The following PPARGC1A variants were observed in gnomAD, a reference collection of about 807,000 sequenced individuals.
PPARGC1A encodes peroxisome proliferator-activated receptor gamma coactivator 1-alpha.
In PPARGC1A, 25 loss-of-function variants were observed where a neutral mutation model predicts 88.7. The ratio of observed to expected loss-of-function variants is 0.28; its 90% CI spans 0.21 to 0.39. The LOEUF is 0.39. Among genes scored for constraint, PPARGC1A ranks in the 10% least tolerant of loss-of-function variants. The probability of loss-of-function intolerance (pLI) is 1.00; values close to 1 mark genes in which losing one functional copy is unlikely to be tolerated. For missense variants in PPARGC1A, 880 were observed against 968.7 expected (o/e 0.91, Z 1.22); for synonymous variants, 363 against 355.6 (o/e 1.02, Z -0.24).
the PPARGC1A span, among the ~76,000 whole-genome samples, chr4:24,172,425 T>A: frequency 6.6e-6 from 1 of 152,234 alleles, no homozygotes; most frequent in African/African-American, 2.4e-5. Flanking sequence ...AACACACAGA[T>A]GCATCAGACA....
the PPARGC1A span, among the ~76,000 whole-genome samples, chr4:24,276,047 T>C: frequency 6.6e-6 from 1 of 152,216 alleles, no homozygotes. Flanking sequence ...AAGTGATCGT[T>C]ACACCCTATA....
intron 8 of PPARGC1A, 106 bp downstream of exon 8, chr4:23,813,584 T>C (rs1721350601): frequency 9.6e-7 from 1 of 1,037,366 alleles, no homozygotes; most frequent in Admixed American, 2.9e-5. Flanking sequence ...ATTGCAGTGG[T>C]CAGGGGCCAG....
At chr4:24,108,615 T>C in the PPARGC1A span, among the ~76,000 whole-genome samples, 1 of 152,114 alleles carries the variant, frequency 6.6e-6, no homozygotes, top group Non-Finnish European at 1.5e-5. Context: ...GCAGGAGGAA[T>C]CATTATCCTC....
the PPARGC1A span, among the ~76,000 whole-genome samples, chr4:24,032,811 G>A: frequency 6.6e-6 from 1 of 152,136 alleles, no homozygotes; most frequent in African/African-American, 2.4e-5. Flanking sequence ...GACCATTCTT[G>A]TATCCTCTGA....
At chr4:23,965,858 A>T in the PPARGC1A span, among the ~76,000 whole-genome samples, 1 of 152,214 alleles carries the variant, frequency 6.6e-6, no homozygotes, top group Non-Finnish European at 1.5e-5. Flanking sequence ...TGACATAAAT[A>T]AATCACAAAA....
chr4:24,320,563 A>G, the PPARGC1A span, among the ~76,000 whole-genome samples: 3 of 152,246 alleles, frequency 2.0e-5, no homozygotes, highest in Non-Finnish European at 2.9e-5. Flanking sequence ...TTTAAGCATC[A>G]GGAACTTGAA....
chr4:23,916,627 T>C, the PPARGC1A span, among the ~76,000 whole-genome samples: 1 of 152,188 alleles, frequency 6.6e-6, no homozygotes, highest in Non-Finnish European at 1.5e-5. Context: ...TAAAGATCTA[T>C]ATCATTCTAC....
At chr4:23,803,591 AC>A (rs1238171392) in intron 10 of PPARGC1A, among the ~76,000 whole-genome samples, 2 of 152,178 alleles carry the variant, frequency 1.3e-5, no homozygotes, top group Non-Finnish European at 2.9e-5. Context: ...GCAATCCTAT[AC>A]CTCTTGTTCC....
the PPARGC1A span, among the ~76,000 whole-genome samples, chr4:24,401,309 C>T: frequency 2.0e-5 from 3 of 152,064 alleles, no homozygotes; most frequent in Admixed American, 6.5e-5. Context: ...TGAGCCACTG[C>T]GCCCGGCCAT....
At chr4:24,178,405 ACAT>A in the PPARGC1A span, among the ~76,000 whole-genome samples, 1 of 152,192 alleles carries the variant, frequency 6.6e-6, no homozygotes, top group African/African-American at 2.4e-5. Context: ...TACTCAAATG[ACAT>A]CATAAACATA....
the PPARGC1A span, among the ~76,000 whole-genome samples, chr4:24,414,213 T>C: frequency 6.6e-6 from 1 of 152,206 alleles, no homozygotes; most frequent in Non-Finnish European, 1.5e-5. Flanking sequence ...CTTTGAAACA[T>C]TGCAGATTAC....
chr4:23,853,219 G>A (rs187987176), intron 2 of PPARGC1A, among the ~76,000 whole-genome samples: 234 of 152,146 alleles, frequency 1.5e-3, no homozygotes, highest in African/African-American at 5.5e-3. Flanking sequence ...GTACAGAAAG[G>A]GGTTAGTTTT....
At chr4:24,013,124 C>T in the PPARGC1A span, among the ~76,000 whole-genome samples, 1 of 152,256 alleles carries the variant, frequency 6.6e-6, no homozygotes, top group East Asian at 1.9e-4. Flanking sequence ...TGGTTAGATG[C>T]TGTGGATGTG....
the PPARGC1A span, among the ~76,000 whole-genome samples, chr4:24,460,553 T>C: frequency 1.3e-5 from 2 of 150,072 alleles, no homozygotes; most frequent in Non-Finnish European, 2.9e-5. Flanking sequence ...TTAAATTCTT[T>C]CTAATGAAAC....
At chr4:24,247,379 C>T in the PPARGC1A span, among the ~76,000 whole-genome samples, 2 of 152,056 alleles carry the variant, frequency 1.3e-5, no homozygotes, top group Non-Finnish European at 2.9e-5. Context: ...AAAAAGTTTG[C>T]TCCAGATAAT....
the PPARGC1A span, among the ~76,000 whole-genome samples, chr4:24,167,819 C>A: frequency 6.6e-6 from 1 of 152,078 alleles, no homozygotes; most frequent in Non-Finnish European, 1.5e-5. Context: ...AGTGGTACAA[C>A]CTCAGCTCAC....
the PPARGC1A span, among the ~76,000 whole-genome samples, chr4:23,960,483 C>G: frequency 1.3e-5 from 2 of 152,270 alleles, no homozygotes; most frequent in South Asian, 2.1e-4. Flanking sequence ...AAACAATGAG[C>G]TGCTCATCTT....
the PPARGC1A span, among the ~76,000 whole-genome samples, chr4:23,957,677 A>G: frequency 6.6e-6 from 1 of 152,086 alleles, no homozygotes; most frequent in Non-Finnish European, 1.5e-5. Context: ...TTCTAATGCC[A>G]CCTACTGTCT....
intron 2 of PPARGC1A, among the ~76,000 whole-genome samples, chr4:23,873,182 A>T (rs1404100249): frequency 7.0e-6 from 1 of 142,108 alleles, no homozygotes; most frequent in East Asian, 2.3e-4. Flanking sequence ...GGGGCGACAG[A>T]GCGAGACTCC....
Sources: gnomAD v4.1 joint callset for allele counts (sites outside exome capture counted in the v4.1 genomes callset) on GRCh38, gnomAD v4.1.1 for gene constraint, MANE v1.5 for transcripts, NCBI Gene and HGNC (gene_info 2026-07-23, HGNC 2026-07-21) for gene names.